HYDIN: variants seen among roughly 807,000 people sequenced by gnomAD.
The protein encoded by HYDIN is axonemal central pair apparatus protein HYDIN.
In HYDIN, 132 loss-of-function variants were observed where a neutral mutation model predicts 403.9. The ratio of observed to expected loss-of-function variants is 0.33; its 90% confidence interval spans 0.28 to 0.38. HYDIN has a LOEUF of 0.38. Among genes scored for constraint, HYDIN ranks in the 10% least tolerant of loss-of-function variants. The pLI, the probability that HYDIN is intolerant of heterozygous loss-of-function variation, is 1.00. For missense variants in HYDIN, 2,827 were observed against 5,009.5 expected, an observed-to-expected ratio of 0.56 and a Z score of 13.15; for synonymous variants, 1,202 against 1,891.7, an observed-to-expected ratio of 0.64 and a Z score of 9.46.
At chr16:70,810,672 A>C (rs1315668887) in intron 84 of HYDIN, among the ~76,000 whole-genome samples, 4 of 152,168 alleles carry the variant, frequency 2.6e-5, no homozygotes, top group African/African-American at 7.2e-5. Context: ...TCTAAAAAAA[A>C]CAGAAAAATT....
intron 1 of HYDIN, among the ~76,000 whole-genome samples, chr16:71,210,599 C>T (rs1427954338): frequency 6.6e-6 from 1 of 151,836 alleles, no homozygotes; most frequent in Non-Finnish European, 1.5e-5. Context: ...GTACATTCAA[C>T]CCCCAAATCA....
At chr16:70,936,644 CT>C (rs2077501288) in intron 44 of HYDIN, among the ~76,000 whole-genome samples, 1 of 151,622 alleles carries the variant, frequency 6.6e-6, no homozygotes, top group Non-Finnish European at 1.5e-5. Context: ...AGCAATTCTC[CT>C]GCCTAAGCCT....
At position 70,859,581 on chromosome 16, in the gene HYDIN, G is replaced by T. The variant is rs559643132; in HGVS notation, c.12129+487C>A. 7.1e-3 allele frequency among the ~76,000 whole-genome samples: 1,073 copies of T among 152,180 alleles called. 12 individuals carry two copies. The highest frequency in any genetic ancestry group is 0.024 in the African/African-American group (1,008 of 41,486). On this transcript the variant is annotated intron_variant, in intron 71 of 85. Transcript: ENST00000393567. Reference sequence around the variant, plus strand: ...GGCTGGACATGGGGCTCACAGATCCGTTTTGGCCAGCAAGTCTGTATTTCT... The same window carrying T: ...GGCTGGACATGGGGCTCACAGATCCTTTTTGGCCAGCAAGTCTGTATTTCT...
rs556935310 is a variant in HYDIN at position 70,993,037 on chromosome 16, C to A, written c.3645-827G>T. ...TTCACTTATATACTCATTCTGGCCC[C>A]ATCTGTACTCAGAGGCTCAGCACAA... On this transcript the variant is annotated intron_variant, in intron 23 of 85. Transcript: ENST00000393567. 9.3e-3 allele frequency among the ~76,000 whole-genome samples: 1,417 copies of A among 152,238 alleles called. 30 individuals are homozygous for A. Among genetic ancestry groups the A allele is most frequent in the African/African-American group, 0.033 (1,374 of 41,520 alleles).
At chr16:71,174,199 A>C (rs1382473265) in intron 5 of HYDIN, among the ~76,000 whole-genome samples, 1 of 152,242 alleles carries the variant, frequency 6.6e-6, no homozygotes, top group African/African-American at 2.4e-5. Context: ...CAAAGTGGCA[A>C]AATTATAGCA....
chr16:71,186,650 A>T, intron 2 of HYDIN, 111 bp downstream of exon 2: 1 of 824,424 alleles, frequency 1.2e-6, no homozygotes, highest in Non-Finnish European at 1.9e-6. Flanking sequence ...CTAAATTGAT[A>T]TTAATCAGTC....
At chr16:70,843,567 A>C (rs1025456108) in intron 75 of HYDIN, among the ~76,000 whole-genome samples, 4 of 141,902 alleles carry the variant, frequency 2.8e-5, no homozygotes, top group Admixed American at 2.8e-4. Context: ...CAGTAATGGG[A>C]TGGCTGGGTC....
At chr16:71,156,601 G>A (rs2144589317) in intron 6 of HYDIN, among the ~76,000 whole-genome samples, 3 of 152,270 alleles carry the variant, frequency 2.0e-5, no homozygotes, top group African/African-American at 7.2e-5. Context: ...CATGAGCCAT[G>A]AGAAAGATTT....
chr16:70,843,152 A>T, intron 75 of HYDIN, among the ~76,000 whole-genome samples: 1 of 142,784 alleles, frequency 7.0e-6, no homozygotes, highest in East Asian at 2.1e-4. Flanking sequence ...CTAACTCGTT[A>T]TCTAGCATTA....
chr16:71,045,153 T>G (rs1473793795), intron 18 of HYDIN, among the ~76,000 whole-genome samples: 1 of 152,186 alleles, frequency 6.6e-6, no homozygotes. Flanking sequence ...AAGCTACTTT[T>G]AACTTTTCAA....
chr16:71,219,416 T>C (rs1227415175), intron 1 of HYDIN, among the ~76,000 whole-genome samples: 1 of 152,154 alleles, frequency 6.6e-6, no homozygotes, highest in Non-Finnish European at 1.5e-5. Context: ...AGTTGACTTT[T>C]TGGTATTAAG....
intron 18 of HYDIN, among the ~76,000 whole-genome samples, chr16:71,035,744 G>A (rs976978278): frequency 6.6e-6 from 1 of 152,222 alleles, no homozygotes; most frequent in African/African-American, 2.4e-5. Flanking sequence ...ATTGGTGACA[G>A]GTGTGAGGAT....
intron 12 of HYDIN, among the ~76,000 whole-genome samples, chr16:71,083,567 G>C (rs1425073468): frequency 1.5e-5 from 2 of 137,456 alleles, no homozygotes; most frequent in Non-Finnish European, 3.1e-5. Context: ...GTGTATGGGA[G>C]TTCTCATTCC....
chr16:70,879,624 T>G lies in HYDIN; in HGVS notation c.10348A>C (p.Thr3450Pro). ...TGGTACCTGGGCAAGCCATCCAAGG[T>G]AGCCTCAAAGATGCACTGGTAGTTC... ...MQNYQCIFEATLDGLPSTLAK... is the reference protein window; with the variant it reads ...MQNYQCIFEAPLDGLPSTLAK... Residue 3450 changes from threonine to proline, a missense_variant, in exon 61 of 86, where the codon ACC becomes CCC. Physicochemically the swap from Thr to Pro is conservative, Grantham distance 38. Coordinates refer to ENST00000393567, the MANE Select transcript of HYDIN (RefSeq NM_001270974.2). 1 of 1,612,812 alleles carries G rather than the reference T, an allele frequency of 6.2e-7. No individual in the cohort carries two copies. Among genetic ancestry groups the G allele is most frequent in the Non-Finnish European group, 8.5e-7 (1 of 1,179,882 alleles).
At chr16:71,152,881 G>A (rs1162797949) in intron 6 of HYDIN, 98 bp from the exon 7 acceptor site, 3 of 825,554 alleles carry the variant, frequency 3.6e-6, no homozygotes, top group Non-Finnish European at 5.8e-6. Flanking sequence ...AGACAGCTCA[G>A]ACCCAGCACT....
intron 1 of HYDIN, among the ~76,000 whole-genome samples, chr16:71,196,999 AC>A (rs2087728220): frequency 6.6e-6 from 1 of 152,128 alleles, no homozygotes; most frequent in Admixed American, 6.5e-5. Flanking sequence ...TTATCCCTTT[AC>A]TTTCCTAATA....
In HYDIN at chr16:70,833,769, G is replaced by A. The variant is rs1427067442; in HGVS notation, c.13679+118C>T. The stretch of plus-strand genomic sequence containing the variant: ...TGTCACATCTTGAGGGAAGCAGGGG[G>A]ATGTAGAAGGGAGAGGACAGAAGTA... On this transcript the variant is annotated intron_variant, in intron 79 of 85. Coordinates refer to ENST00000393567, the MANE Select transcript of HYDIN (RefSeq NM_001270974.2). 5 of 653,334 alleles carry A rather than the reference G, an allele frequency of 7.7e-6. No homozygotes were observed. In the East Asian group the frequency reaches 1.4e-4, roughly 18 times the overall value. 40.5% of individuals were successfully genotyped at this position (653,334 alleles called of 1,614,324 possible).
chr16:71,201,548 A>G (rs1487078966), intron 1 of HYDIN, among the ~76,000 whole-genome samples: 1 of 152,132 alleles, frequency 6.6e-6, no homozygotes, highest in Admixed American at 6.5e-5. Flanking sequence ...ACATGACCCA[A>G]GCCAAGCCCA....
chr16:71,182,832 C>G (rs1394607656), intron 3 of HYDIN, among the ~76,000 whole-genome samples: 1 of 152,036 alleles, frequency 6.6e-6, no homozygotes, highest in Non-Finnish European at 1.5e-5. Flanking sequence ...GTACCAAGTA[C>G]TGGGAGCTCT....
Sources: gnomAD v4.1 joint callset for allele counts (sites outside exome capture counted in the v4.1 genomes callset) on GRCh38, gnomAD v4.1.1 for gene constraint, MANE v1.5 for transcripts, NCBI Gene and HGNC (gene_info 2026-07-23, HGNC 2026-07-21) for gene names.